TTC23: variants seen among roughly 807,000 people sequenced by gnomAD.
TTC23 encodes tetratricopeptide repeat domain 23, also known as tetratricopeptide repeat protein 23.
Under a neutral mutation model 55.1 loss-of-function variants are expected in TTC23, and 58 were observed. The ratio of observed to expected loss-of-function variants is 1.05; its 90% CI spans 0.85 to 1.31. The LOEUF is 1.31. Ranked by LOEUF, TTC23 falls within the 50% of genes most tolerant of loss-of-function variation. The probability of loss-of-function intolerance (pLI) is 0.00; values close to 1 mark genes in which losing one functional copy is unlikely to be tolerated. For synonymous variants in TTC23, 203 were observed against 199.9 expected, an observed-to-expected ratio of 1.02 and a Z score of -0.13; for missense variants, 516 against 534.4, an observed-to-expected ratio of 0.97 and a Z score of 0.34.
intron 12 of TTC23, among the ~76,000 whole-genome samples, chr15:99,151,818 C>T (rs144491450): frequency 6.1e-4 from 93 of 152,278 alleles, no homozygotes; most frequent in African/African-American, 2.2e-3. Flanking sequence ...ATACACTGTG[C>T]GATGCCGACC....
chr15:99,220,076 C>T (rs917265473), intron 6 of TTC23, among the ~76,000 whole-genome samples: 1 of 152,140 alleles, frequency 6.6e-6, no homozygotes, highest in Non-Finnish European at 1.5e-5. Context: ...TCAACTGTGT[C>T]GAGTCCCTGA....
Position 99,139,381 on chromosome 15 carries a change from G to C in TTC23, c.1162C>G (p.Leu388Val). 6.2e-7 allele frequency: 1 copy of C among 1,614,150 alleles called. No homozygotes were observed. The change falls in exon 13 of 14, where the codon CTC (leucine) becomes GTC (valine). Residue 388 changes from leucine to valine, a missense_variant. Coordinates refer to ENST00000394132, the MANE Select transcript of TTC23 (RefSeq NM_001288615.3). ...CTTTTGTCCTGCGGTCCATATAAGA[G>C]GGTCTGGATCTGGAGACACTGTAGA... ...KLKKCLQIQT[L>V]LYGPQDKRTL...
At chr15:99,181,812 G>A (rs1223667692) in intron 9 of TTC23, among the ~76,000 whole-genome samples, 1 of 152,168 alleles carries the variant, frequency 6.6e-6, no homozygotes, top group Non-Finnish European at 1.5e-5. Flanking sequence ...TGAACAGGAA[G>A]TCACTGGGAG....
chr15:99,178,099 T>C (rs2073773833), intron 9 of TTC23, among the ~76,000 whole-genome samples: 1 of 152,168 alleles, frequency 6.6e-6, no homozygotes, highest in African/African-American at 2.4e-5. Context: ...GGAAGATCAC[T>C]TGATCCTGGG....
intron 10 of TTC23, among the ~76,000 whole-genome samples, chr15:99,174,414 C>T (rs780730410): frequency 6.6e-6 from 1 of 151,930 alleles, no homozygotes; most frequent in African/African-American, 2.4e-5. Context: ...TTGGAATACA[C>T]CCCTAGGTCT....
chr15:99,222,763 G>A lies in TTC23; in HGVS notation c.181-899C>T, dbSNP rs757721855. On this transcript the variant is annotated intron_variant, in intron 5 of 13. Coordinates refer to ENST00000394132, the MANE Select transcript of TTC23 (RefSeq NM_001288615.3). Reference sequence around the variant, plus strand: ...CTGTAATCCCAGCACTTTGGGAGGCGGAGATGGGTGAATCACAAGGTCAAG... The same window carrying A: ...CTGTAATCCCAGCACTTTGGGAGGCAGAGATGGGTGAATCACAAGGTCAAG... 5.9e-5 allele frequency among the ~76,000 whole-genome samples: 9 copies of A among 152,122 alleles called. No homozygotes were observed. In the South Asian group the frequency reaches 6.2e-4, roughly 11 times the overall value.
At chr15:99,196,515 C>T (rs756782564) in intron 9 of TTC23, among the ~76,000 whole-genome samples, 8 of 152,090 alleles carry the variant, frequency 5.3e-5, no homozygotes, top group East Asian at 1.9e-4. Flanking sequence ...TAAATGTTGC[C>T]GTGAGCCACA....
At position 99,200,418 on chromosome 15, in the gene TTC23, C is replaced by T. The variant is rs1438979596; in HGVS notation, c.582-322G>A. On this transcript the variant is annotated intron_variant, in intron 8 of 13. Coordinates refer to ENST00000394132, the MANE Select transcript of TTC23 (RefSeq NM_001288615.3). ...TAAGAAGATTAAATTAATTGATATT[C>T]ATAAAACACCTAGAATAACCTCTAA... 2.0e-5 allele frequency among the ~76,000 whole-genome samples: 3 copies of T among 152,130 alleles called. 1 individual carries two copies.
intron 5 of TTC23, 97 bp downstream of exon 5, chr15:99,228,436 T>C: frequency 8.9e-7 from 1 of 1,125,760 alleles, no homozygotes; most frequent in Non-Finnish European, 1.2e-6. Context: ...ATCAAACTGC[T>C]GAGATTAGGA....
intron 8 of TTC23, among the ~76,000 whole-genome samples, chr15:99,217,726 C>T (rs1002794260): frequency 7.9e-5 from 12 of 152,200 alleles, no homozygotes; most frequent in Non-Finnish European, 1.5e-4. Flanking sequence ...AAAAGAAGAT[C>T]TTTAACTGCA....
At chr15:99,230,323 T>C (rs945390588) in intron 4 of TTC23, among the ~76,000 whole-genome samples, 11 of 151,996 alleles carry the variant, frequency 7.2e-5, no homozygotes, top group Admixed American at 6.6e-4. Flanking sequence ...GCAATAAAAA[T>C]TATCAAAAAT....
rs544627260 is a variant in TTC23, at chr15:99,195,671, G to A, written c.759+4248C>T. Among the ~76,000 whole-genome samples the A allele has an allele frequency of 3.0e-4, 45 of 152,228 alleles. No homozygotes were observed. In the South Asian group the frequency reaches 8.9e-3, roughly 30 times the overall value. ...GGTAAATACATGATGTTATAAGTTT[G>A]TGCAAACCCACAGAATGTACAATGC... On this transcript the variant is annotated intron_variant, in intron 9 of 13. Coordinates refer to ENST00000394132, the MANE Select transcript of TTC23 (RefSeq NM_001288615.3).
At chr15:99,140,965 A>G (rs1489951835) in intron 12 of TTC23, 5 of 152,226 alleles carry the variant, frequency 3.3e-5, no homozygotes, top group Non-Finnish European at 7.3e-5. Context: ...AGATTATTCA[A>G]AGAGTTGAAA....
intron 5 of TTC23, among the ~76,000 whole-genome samples, chr15:99,226,930 C>G (rs189129774): frequency 1.3e-5 from 2 of 152,346 alleles, no homozygotes; most frequent in East Asian, 3.9e-4. Flanking sequence ...CTGTCCTGTT[C>G]ACCATTGTAT....
At chr15:99,152,930 TG>T (rs543943537) in intron 12 of TTC23, among the ~76,000 whole-genome samples, 11 of 152,130 alleles carry the variant, frequency 7.2e-5, no homozygotes, top group Non-Finnish European at 1.5e-4. Context: ...CCTGAGTAGC[TG>T]GGATTACAGG....
intron 5 of TTC23, among the ~76,000 whole-genome samples, chr15:99,225,113 G>A (rs565187467): frequency 5.9e-5 from 9 of 152,346 alleles, no homozygotes; most frequent in African/African-American, 2.2e-4. Flanking sequence ...TTCCAGCGAA[G>A]AGGACGGTGC....
At chr15:99,211,949 C>A (rs1244321690) in intron 8 of TTC23, among the ~76,000 whole-genome samples, 1 of 152,188 alleles carries the variant, frequency 6.6e-6, no homozygotes. Flanking sequence ...CCCATCTCAG[C>A]CTCCCAGTGT....
At chr15:99,139,021 A>G (rs1167643220) in intron 13 of TTC23, 28 of 446,132 alleles carry the variant, frequency 6.3e-5, no homozygotes, top group Non-Finnish European at 1.1e-4. Flanking sequence ...AGGAGGCCAC[A>G]GGGATTCCCG....
rs576118275 is a variant in TTC23 at position 99,139,470 on chromosome 15, T to C, written c.1144-71A>G. 28 of 1,602,448 alleles carry C rather than the reference T, an allele frequency of 1.7e-5. No individual in the cohort carries two copies. In the South Asian group the frequency reaches 3.0e-4, roughly 17 times the overall value. On this transcript the variant is annotated intron_variant, in intron 12 of 13. Coordinates refer to ENST00000394132, the MANE Select transcript of TTC23 (RefSeq NM_001288615.3). ...GAGAGCAGGAAACTAAGGTCTCCCT[T>C]GAATGAGAGAAAGATGACCTCATTC...
Sources: allele counts gnomAD v4.1 joint callset (sites outside exome capture counted in the v4.1 genomes callset), GRCh38; gene constraint gnomAD v4.1.1; transcripts MANE v1.5; gene names NCBI Gene and HGNC (gene_info 2026-07-23, HGNC 2026-07-21).